ARSB: variants seen among roughly 807,000 people sequenced by gnomAD.
ARSB encodes N-acetylgalactosamine-4-sulfatase.
Under a neutral mutation model 50.9 loss-of-function variants are expected in ARSB, and 41 were observed. That is an observed-to-expected ratio of 0.81 (90% confidence interval 0.63 to 1.04). ARSB has a LOEUF of 1.04. Among genes scored for constraint, ARSB ranks in the 50% least tolerant of loss-of-function variants. ARSB has a pLI of 0.00. For synonymous variants in ARSB, 269 were observed against 284.8 expected (o/e 0.94, Z 0.56); for missense variants, 672 against 693.3 (o/e 0.97, Z 0.35).
At chr5:78,852,646 G>A (rs373692096) in intron 5 of ARSB, among the ~76,000 whole-genome samples, 19,347 of 152,206 alleles carry the variant, frequency 0.13, 1,464 homozygotes, top group Middle Eastern at 0.21. Context: ...ATATCCTGCA[G>A]AGTGTTTTCC....
intron 4 of ARSB, among the ~76,000 whole-genome samples, chr5:78,897,667 G>GA (rs1368636869): frequency 2.6e-5 from 4 of 152,134 alleles, no homozygotes; most frequent in Non-Finnish European, 5.9e-5. Flanking sequence ...AAATGTATGG[G>GA]AAATCAAGTT....
At chr5:78,972,516 T>TACATACACAC (rs1752493406) in intron 1 of ARSB, among the ~76,000 whole-genome samples, 1 of 145,598 alleles carries the variant, frequency 6.9e-6, no homozygotes, top group South Asian at 2.2e-4. Flanking sequence ...CACGCATACG[T>TACATACACAC]ACACACACAC....
chr5:78,985,732 C>T (rs1289877279), upstream of ARSB: 1 of 152,266 alleles, frequency 6.6e-6, no homozygotes, highest in Non-Finnish European at 1.5e-5. Flanking sequence ...AGATCCTGAA[C>T]CATGATGTCT....
At chr5:78,847,745 T>A (rs898492106) in intron 5 of ARSB, among the ~76,000 whole-genome samples, 1 of 152,208 alleles carries the variant, frequency 6.6e-6, no homozygotes, top group Non-Finnish European at 1.5e-5. Flanking sequence ...TCATTACTTA[T>A]AATTGGTCTA....
intron 5 of ARSB, chr5:78,883,321 AGTGGCATTACTTTTTCT>A (rs1200700949): frequency 2.6e-5 from 4 of 152,236 alleles, no homozygotes; most frequent in Non-Finnish European, 5.9e-5. Flanking sequence ...TTAGCTGTTC[AGTGGCATTACTTTTTCT>A]GTGACTTGGA....
rs535308896 is a variant in ARSB, at chr5:78,918,547, G to A, written c.899-32720C>T. On this transcript the variant is annotated intron_variant, in intron 4 of 7. Transcript: ENST00000264914. ...TAAGTGGCAAAAATCTCAATATCATGTGCACACACACACACACACACATGC... is the reference window on the plus strand; with the variant it reads ...TAAGTGGCAAAAATCTCAATATCATATGCACACACACACACACACACATGC... Among the ~76,000 whole-genome samples, 9 of 142,260 alleles carry A rather than the reference G, an allele frequency of 6.3e-5. No homozygotes were observed. In the East Asian group the frequency reaches 1.6e-3, roughly 26 times the overall value. The allele number at this position is 142,260 out of a possible 152,430, so 93.3% of individuals were successfully genotyped here. A position where few individuals can be genotyped will look rare whatever the true frequency, so the allele number is the denominator to read the frequency against.
intron 3 of ARSB, among the ~76,000 whole-genome samples, chr5:78,961,989 A>G (rs1311364042): frequency 6.6e-6 from 1 of 152,194 alleles, no homozygotes; most frequent in African/African-American, 2.4e-5. Flanking sequence ...ATATATGGTC[A>G]GGACTGAAAT....
chr5:78,911,877 T>G (rs1749328274), intron 4 of ARSB, among the ~76,000 whole-genome samples: 2 of 152,220 alleles, frequency 1.3e-5, no homozygotes, highest in African/African-American at 4.8e-5. Context: ...GCAAATCCAC[T>G]ATTAAACCTC....
chr5:78,964,446 TA>T lies in ARSB; in HGVS notation c.659del (p.Ile220LysfsTer4). ...YSTNIFTKRA[I>X]ALITNHPPEK... ...CTGGTGGATGGTTAGTTATGAGGGCTATAGCCCTTTTGGTGAATATGTTTGT... is the reference window on the plus strand; with the variant it reads ...CTGGTGGATGGTTAGTTATGAGGGCTTAGCCCTTTTGGTGAATATGTTTGT... On this transcript the variant is annotated frameshift_variant, in exon 3 of 8. Transcript: ENST00000264914. LOFTEE classifies it high-confidence loss of function. The T allele has an allele frequency of 6.2e-7, 1 of 1,614,094 alleles. No individual in the cohort carries two copies. Among genetic ancestry groups the T allele is most frequent in the Non-Finnish European group, 8.5e-7 (1 of 1,179,924 alleles).
intron 4 of ARSB, among the ~76,000 whole-genome samples, chr5:78,926,491 T>C (rs1435497498): frequency 1.3e-5 from 2 of 152,082 alleles, no homozygotes; most frequent in African/African-American, 4.8e-5. Flanking sequence ...TGCAACCAAA[T>C]GAATTGCATC....
chr5:78,782,231 T>C (rs1441136083), intron 6 of ARSB, among the ~76,000 whole-genome samples: 1 of 152,250 alleles, frequency 6.6e-6, no homozygotes, highest in Admixed American at 6.5e-5. Context: ...AATCGCTATG[T>C]TCTGCCAATG....
chr5:78,880,858 A>G (rs539698141), intron 5 of ARSB, among the ~76,000 whole-genome samples: 6 of 152,338 alleles, frequency 3.9e-5, no homozygotes, highest in African/African-American at 1.2e-4. Context: ...AGAGGCCTAC[A>G]ATCTTAAAAA....
intron 1 of ARSB, among the ~76,000 whole-genome samples, chr5:78,982,634 A>T (rs976591183): frequency 1.3e-5 from 2 of 152,360 alleles, no homozygotes; most frequent in African/African-American, 4.8e-5. Flanking sequence ...TCCTTGTTAC[A>T]GAACAGAGAT....
rs771296632 is a variant in ARSB, at chr5:78,839,361, G to A, written c.1208C>T (p.Ser403Leu). 19 of 1,613,650 alleles carry A rather than the reference G, an allele frequency of 1.2e-5. No homozygotes were observed. Among genetic ancestry groups the A allele is most frequent in the South Asian group, 9.9e-5 (9 of 91,074 alleles). Residue 403 changes from serine to leucine, a missense_variant, in exon 6 of 8, where the codon TCA (serine) becomes TTA (leucine). Ser to Leu is a moderately radical substitution (Grantham distance 145). Coordinates refer to ENST00000264914, the MANE Select transcript of ARSB (RefSeq NM_000046.5). ...AGCAATGCACTGGTACTCACACGGTGAAGAGTCCACGAAGTTCGGGTCAAT... is the reference window on the plus strand; with the variant it reads ...AGCAATGCACTGGTACTCACACGGTAAAGAGTCCACGAAGTTCGGGTCAAT... ...HNIDPNFVDSSPCPRNSMAPA... is the reference protein window; with the variant it reads ...HNIDPNFVDSLPCPRNSMAPA...
At position 78,870,349 on chromosome 5, in the gene ARSB, G is replaced by A. The variant is rs1487845584; in HGVS notation, c.1142+15235C>T. On this transcript the variant is annotated intron_variant, in intron 5 of 7. Coordinates refer to ENST00000264914, the MANE Select transcript of ARSB (RefSeq NM_000046.5). ...ATCATCCTGATACCAAAGCCAGGCA[G>A]AGACACAACCAAAAAAGAGAATTTT... Among the ~76,000 whole-genome samples the A allele has an allele frequency of 2.4e-5, 2 of 82,660 alleles. 1 individual carries two copies. The highest frequency in any genetic ancestry group is 5.0e-5 in the Non-Finnish European group (2 of 39,830). The allele number at this position is 82,660 out of a possible 152,430, so 54.2% of individuals were successfully genotyped here. A position where few individuals can be genotyped will look rare whatever the true frequency, so the allele number is the denominator to read the frequency against.
chr5:78,840,938 G>A (rs796394652), intron 5 of ARSB, among the ~76,000 whole-genome samples: 4 of 152,260 alleles, frequency 2.6e-5, no homozygotes, highest in African/African-American at 9.6e-5. Context: ...GATATGTAAA[G>A]AAAATGGTAA....
intron 5 of ARSB, among the ~76,000 whole-genome samples, chr5:78,842,657 C>A (rs1472598212): frequency 6.6e-6 from 1 of 152,142 alleles, no homozygotes; most frequent in Non-Finnish European, 1.5e-5. Flanking sequence ...TAAGAACCCA[C>A]AAATTCTTGG....
At chr5:78,903,896 T>C (rs879323395) in intron 4 of ARSB, among the ~76,000 whole-genome samples, 5 of 152,208 alleles carry the variant, frequency 3.3e-5, no homozygotes, top group Non-Finnish European at 2.9e-5. Flanking sequence ...TTGGTGTGCA[T>C]CATTATGGAT....
chr5:78,835,422 A>G (rs1468476091), intron 6 of ARSB, among the ~76,000 whole-genome samples: 3 of 152,138 alleles, frequency 2.0e-5, no homozygotes, highest in Admixed American at 2.0e-4. Flanking sequence ...CGTAATGCCT[A>G]TTCGTATGAT....
Sources: gnomAD v4.1 joint callset for allele counts (sites outside exome capture counted in the v4.1 genomes callset) on GRCh38, gnomAD v4.1.1 for gene constraint, MANE v1.5 for transcripts, NCBI Gene and HGNC (gene_info 2026-07-23, HGNC 2026-07-21) for gene names.